IER3IP1: variants seen among roughly 807,000 people sequenced by gnomAD.
The protein encoded by IER3IP1 is immediate early response 3 interacting protein 1.
A neutral mutation model predicts 12.2 loss-of-function variants in IER3IP1; 16 were observed. That is an observed-to-expected ratio of 1.31 (90% CI 0.89 to 1.99). The LOEUF (loss-of-function observed/expected upper bound fraction) is 1.99. Ranked by LOEUF, IER3IP1 falls within the 30% of genes most tolerant of loss-of-function variation. IER3IP1 has a pLI of 0.00. For missense variants in IER3IP1, 95 were observed against 95.8 expected, an observed-to-expected ratio of 0.99 and a Z score of 0.03; for synonymous variants, 42 against 40.0, an observed-to-expected ratio of 1.05 and a Z score of -0.19.
chr18:47,176,328 A>T lies in IER3IP1; in HGVS notation c.-51T>A. On this transcript the variant is annotated 5_prime_UTR_variant, in exon 1 of 3. Transcript: ENST00000256433. ...CAAGCGATTTCTCTCCCGCCGCCGC[A>T]AGGGACGTGGCGCCTCCACGGCCGG... 2 of 1,505,730 alleles carry T rather than the reference A, an allele frequency of 1.3e-6. No individual in the cohort carries two copies. Among genetic ancestry groups the T allele is most frequent in the Non-Finnish European group, 1.8e-6 (2 of 1,103,122 alleles). 93.3% of individuals were successfully genotyped at this position (1,505,730 alleles called of 1,614,324 possible).
intron 1 of IER3IP1, among the ~76,000 whole-genome samples, chr18:47,167,266 G>C (rs565920428): frequency 6.6e-6 from 1 of 152,088 alleles, no homozygotes; most frequent in Admixed American, 6.5e-5. Flanking sequence ...GGCCAGGCTG[G>C]TCTCGAACTC....
intron 1 of IER3IP1, among the ~76,000 whole-genome samples, chr18:47,157,964 G>T (rs1434228968): frequency 1.3e-5 from 2 of 152,168 alleles, no homozygotes; most frequent in African/African-American, 2.4e-5. Context: ...ATATAAAAAT[G>T]CTGTAGCTGA....
chr18:47,172,181 G>A lies in IER3IP1; in HGVS notation c.91+4006C>T, dbSNP rs1160072798. 1.3e-5 allele frequency among the ~76,000 whole-genome samples: 2 copies of A among 152,082 alleles called. No individual in the cohort carries two copies. Among genetic ancestry groups the A allele is most frequent in the Non-Finnish European group, 1.5e-5 (1 of 68,014 alleles). ...AGTGCTGACTTGTTGAAGAGACAGG[G>A]CTAGTTTTCACTGTCACTGCTGAGA... is the stretch of plus-strand genomic sequence containing the variant. On this transcript the variant is annotated intron_variant, in intron 1 of 2. Coordinates refer to ENST00000256433, the MANE Select transcript of IER3IP1 (RefSeq NM_016097.5). The surrounding 1 kb of genome is among the most constrained non-coding windows in gnomAD (Gnocchi z 4.0).
chr18:47,169,233 T>C (rs2064007257), intron 1 of IER3IP1, among the ~76,000 whole-genome samples: 1 of 152,236 alleles, frequency 6.6e-6, no homozygotes, highest in Non-Finnish European at 1.5e-5. Context: ...CTTAATATAA[T>C]GATTTCAAGG....
At chr18:47,158,309 A>C (rs1341657771) in intron 1 of IER3IP1, among the ~76,000 whole-genome samples, 1 of 152,088 alleles carries the variant, frequency 6.6e-6, no homozygotes, top group African/African-American at 2.4e-5. Flanking sequence ...AAGCCACTGC[A>C]TTCGGCCTAA....
rs921105933 is a variant in IER3IP1, at chr18:47,172,454, A to G, written c.91+3733T>C. Among the ~76,000 whole-genome samples, 5 of 152,280 alleles carry G rather than the reference A, an allele frequency of 3.3e-5. No individual in the cohort carries two copies. Among genetic ancestry groups the G allele is most frequent in the African/African-American group, 1.2e-4 (5 of 41,552 alleles). ...GGATTCTTTTCAGTCCTTAACTTAC[A>G]GTAGTCCTCCCCCTTAATCTTGGAG... is the stretch of plus-strand genomic sequence containing the variant. On this transcript the variant is annotated intron_variant, in intron 1 of 2. Transcript: ENST00000256433. This position sits in a 1 kb window ranked among gnomAD's most constrained non-coding sequence, Gnocchi z 4.0.
intron 1 of IER3IP1, 137 bp downstream of exon 1, chr18:47,176,050 C>T: frequency 4.0e-6 from 3 of 754,172 alleles, no homozygotes; most frequent in Admixed American, 4.1e-5. Flanking sequence ...AGAGGAAAGG[C>T]TCGGCTTCCA....
At chr18:47,176,133 G>C (rs745762649) in intron 1 of IER3IP1, 54 bp downstream of exon 1, 5 of 1,466,168 alleles carry the variant, frequency 3.4e-6, no homozygotes, top group African/African-American at 1.4e-5. Flanking sequence ...ATTAGGTTAC[G>C]CGCCCCCGGG....
chr18:47,173,479 G>C (rs1183984579), intron 1 of IER3IP1, among the ~76,000 whole-genome samples: 1 of 151,864 alleles, frequency 6.6e-6, no homozygotes, highest in Non-Finnish European at 1.5e-5. Context: ...AGAGTAGCTG[G>C]GATTACAGGC....
chr18:47,168,226 T>C (rs2064003152), intron 1 of IER3IP1, among the ~76,000 whole-genome samples: 2 of 139,492 alleles, frequency 1.4e-5, no homozygotes, highest in Admixed American at 1.5e-4. Flanking sequence ...TGCTTGAACC[T>C]GGGAGGCAGA....
chr18:47,157,682 G>A (rs1256660933), intron 1 of IER3IP1, 145 bp from the exon 2 acceptor site: 2 of 717,828 alleles, frequency 2.8e-6, no homozygotes, highest in Non-Finnish European at 4.9e-6. Flanking sequence ...ACAATAATGA[G>A]TTAAATATTT....
At chr18:47,169,582 G>A (rs1016068226) in intron 1 of IER3IP1, among the ~76,000 whole-genome samples, 2 of 151,440 alleles carry the variant, frequency 1.3e-5, no homozygotes, top group Non-Finnish European at 2.9e-5. Context: ...TTATTATTTA[G>A]TGTTTTTAAC....
chr18:47,162,420 CTAAGG>C (rs1264059483), intron 1 of IER3IP1, among the ~76,000 whole-genome samples: 1 of 47,026 alleles, frequency 2.1e-5, no homozygotes, highest in Non-Finnish European at 5.2e-5. Flanking sequence ...AATGGAGACT[CTAAGG>C]AAGAGAAGAT....
At chr18:47,156,302 A>C (rs1376414165) in intron 2 of IER3IP1, 70 bp from the exon 3 acceptor site, 6 of 839,466 alleles carry the variant, frequency 7.1e-6, no homozygotes, top group Non-Finnish European at 1.0e-5. Flanking sequence ...AATAATAATT[A>C]GCCTCCAGGA....
At chr18:47,162,454 C>T (rs1315230578) in intron 1 of IER3IP1, among the ~76,000 whole-genome samples, 1 of 152,062 alleles carries the variant, frequency 6.6e-6, no homozygotes, top group East Asian at 1.9e-4. Flanking sequence ...TAGAAAAATG[C>T]ATTTTTTAAA....
At chr18:47,165,655 A>G (rs938312369) in intron 1 of IER3IP1, among the ~76,000 whole-genome samples, 1 of 152,226 alleles carries the variant, frequency 6.6e-6, no homozygotes. Context: ...ATTCAACAAA[A>G]GCTTTTTAAA....
At position 47,153,055 on chromosome 18, in the gene IER3IP1, A is replaced by G. The variant is rs1414583872; in HGVS notation, c.*3122T>C. On this transcript the variant is annotated 3_prime_UTR_variant, in exon 3 of 3. Transcript: ENST00000256433. ...ACATGGTAAAAGGTTTGCTTGATAT[A>G]TTAGAAATATCTTGCCTCCTAGTCT... The G allele has an allele frequency of 2.0e-5, 3 of 152,186 alleles. No homozygotes were observed. Among genetic ancestry groups the G allele is most frequent in the Non-Finnish European group, 4.4e-5 (3 of 68,032 alleles). 9.4% of individuals were successfully genotyped at this position (152,186 alleles called of 1,614,324 possible). A position where few individuals can be genotyped will look rare whatever the true frequency, so the allele number is the denominator to read the frequency against.
chr18:47,169,494 C>T (rs181581486), intron 1 of IER3IP1, among the ~76,000 whole-genome samples: 198 of 152,238 alleles, frequency 1.3e-3, no homozygotes, highest in African/African-American at 4.4e-3. Context: ...GACTGTTTTC[C>T]GAAGTGGCTG....
rs112227302 is a variant in IER3IP1, at chr18:47,163,336, C to G, written c.92-5799G>C. Among the ~76,000 whole-genome samples the G allele has an allele frequency of 6.6e-3, 1,005 of 152,266 alleles. 12 individuals are homozygous for G. The highest frequency in any genetic ancestry group is 0.023 in the African/African-American group (973 of 41,550). ...CTAAGTGACTAACAGCTAGCTGAGG[C>G]AGGCAGCATACATAGCACGGAGATG... On this transcript the variant is annotated intron_variant, in intron 1 of 2. Coordinates refer to ENST00000256433, the MANE Select transcript of IER3IP1 (RefSeq NM_016097.5).
Sources: gnomAD v4.1 joint callset for allele counts (sites outside exome capture counted in the v4.1 genomes callset) on GRCh38, gnomAD v4.1.1 for gene constraint, Gnocchi (gnomAD v3.1) non-coding constraint, MANE v1.5 for transcripts, NCBI Gene and HGNC (gene_info 2026-07-23, HGNC 2026-07-21) for gene names.